The following NWD2 variants were observed in gnomAD, a reference collection of about 807,000 sequenced individuals.
NWD2 encodes the protein NACHT and WD repeat domain-containing protein 2.
A neutral mutation model predicts 132.7 loss-of-function variants in NWD2; 37 were observed. The observed-to-expected ratio is 0.28, with a 90% CI of 0.21 to 0.37. The LOEUF is 0.37. Among genes scored for constraint, NWD2 ranks in the 10% least tolerant of loss-of-function variants. The pLI is 1.00. For synonymous variants in NWD2, 705 were observed against 803.0 expected, an observed-to-expected ratio of 0.88 and a Z score of 2.06; for missense variants, 1,592 against 2,122.4, an observed-to-expected ratio of 0.75 and a Z score of 4.91.
intron 2 of NWD2, among the ~76,000 whole-genome samples, chr4:37,341,288 A>C (rs1719513785): frequency 6.6e-6 from 1 of 152,250 alleles, no homozygotes; most frequent in Non-Finnish European, 1.5e-5. Flanking sequence ...CTAAGCTATG[A>C]TGTTCAGTAG....
At chr4:37,282,411 G>T (rs1718146309) in intron 1 of NWD2, among the ~76,000 whole-genome samples, 1 of 152,120 alleles carries the variant, frequency 6.6e-6, no homozygotes, top group South Asian at 2.1e-4. Flanking sequence ...AAAGCATGTT[G>T]AGACTATTAG....
At position 37,250,774 on chromosome 4, in the gene NWD2, G is replaced by C. The variant is rs147748723; in HGVS notation, c.151+5556G>C. ...GACAGGGATATGTTCTGGGAAATGTGTCCTTAGTCAATTTTGTCATTGTAT... is the reference window on the plus strand; with the variant it reads ...GACAGGGATATGTTCTGGGAAATGTCTCCTTAGTCAATTTTGTCATTGTAT... On this transcript the variant is annotated intron_variant, in intron 1 of 6. Coordinates refer to ENST00000309447, the MANE Select transcript of NWD2 (RefSeq NM_001144990.2). 1.8e-4 allele frequency among the ~76,000 whole-genome samples: 28 copies of C among 152,278 alleles called. No homozygotes were observed. In the East Asian group the frequency reaches 5.2e-3, roughly 28 times the overall value.
intron 3 of NWD2, among the ~76,000 whole-genome samples, chr4:37,385,758 A>G (rs1036285766): frequency 5.3e-5 from 8 of 152,214 alleles, no homozygotes; most frequent in Non-Finnish European, 1.0e-4. Context: ...GATGTTATTA[A>G]TGATATAAAC....
chr4:37,379,421 A>T (rs184676132), intron 3 of NWD2, among the ~76,000 whole-genome samples: 1 of 152,290 alleles, frequency 6.6e-6, no homozygotes, highest in East Asian at 1.9e-4. Flanking sequence ...GCCACACAGT[A>T]AGTGGGGAGC....
At chr4:37,259,721 C>T (rs1459873473) in intron 1 of NWD2, among the ~76,000 whole-genome samples, 2 of 152,168 alleles carry the variant, frequency 1.3e-5, no homozygotes, top group Non-Finnish European at 2.9e-5. Flanking sequence ...AGATGCAGCC[C>T]TAGAGTTCCC....
chr4:37,311,685 A>G (rs1718845380), intron 1 of NWD2, among the ~76,000 whole-genome samples: 1 of 148,576 alleles, frequency 6.7e-6, no homozygotes. Flanking sequence ...TTGGTGTTTT[A>G]AACATGAAGT....
intron 3 of NWD2, among the ~76,000 whole-genome samples, chr4:37,358,846 A>G (rs1182880858): frequency 6.6e-6 from 1 of 152,186 alleles, no homozygotes; most frequent in African/African-American, 2.4e-5. Flanking sequence ...ATGCATCCCC[A>G]AAAAAGTTTT....
intron 3 of NWD2, among the ~76,000 whole-genome samples, chr4:37,372,693 C>T (rs1577682506): frequency 6.6e-6 from 1 of 152,168 alleles, no homozygotes; most frequent in African/African-American, 2.4e-5. Flanking sequence ...CCCCCAGTTC[C>T]AATCCATGTT....
intron 1 of NWD2, among the ~76,000 whole-genome samples, chr4:37,275,522 A>G (rs1717990746): frequency 6.6e-6 from 1 of 152,182 alleles, no homozygotes; most frequent in Non-Finnish European, 1.5e-5. Flanking sequence ...TATAGATTCA[A>G]TGCCATCCCC....
rs770599172 is a variant in NWD2 at position 37,433,835 on chromosome 4, G to A, written c.562-41G>A. 2.1e-6 allele frequency: 3 copies of A among 1,451,352 alleles called. No homozygotes were observed. The South Asian group carries it at 4.3e-5, about 21-fold the overall frequency. 89.9% of individuals were successfully genotyped at this position (1,451,352 alleles called of 1,614,324 possible). ...TTGTTCTTAAATATTATTTTTCTTTGATGATTGTAAGACTAATTTCTCCCT... is the reference window on the plus strand; with the variant it reads ...TTGTTCTTAAATATTATTTTTCTTTAATGATTGTAAGACTAATTTCTCCCT... On this transcript the variant is annotated intron_variant, in intron 4 of 6. Transcript: ENST00000309447.
chr4:37,394,801 T>TTTG (rs1310149522), intron 3 of NWD2, among the ~76,000 whole-genome samples: 2 of 79,582 alleles, frequency 2.5e-5, no homozygotes, highest in East Asian at 3.9e-4. Flanking sequence ...CCTTTATGGT[T>TTTG]TTTTTTTTTT....
At chr4:37,391,701 C>G (rs1720681636) in intron 3 of NWD2, among the ~76,000 whole-genome samples, 1 of 152,134 alleles carries the variant, frequency 6.6e-6, no homozygotes, top group South Asian at 2.1e-4. Context: ...AAAAGACCTT[C>G]CAGGTAAAGC....
intron 1 of NWD2, among the ~76,000 whole-genome samples, chr4:37,289,157 A>C (rs1319796528): frequency 6.6e-6 from 1 of 152,184 alleles, no homozygotes; most frequent in Non-Finnish European, 1.5e-5. Flanking sequence ...CTCTAATTCA[A>C]GCTAGTGCCT....
intron 2 of NWD2, among the ~76,000 whole-genome samples, chr4:37,344,919 G>A (rs899076501): frequency 2.4e-4 from 36 of 152,194 alleles, no homozygotes; most frequent in Admixed American, 1.6e-3. Flanking sequence ...TCTGCTTTTT[G>A]TCTCTATGGA....
rs139436470 is a variant in NWD2, at chr4:37,251,568, A to G, written c.151+6350A>G. Among the ~76,000 whole-genome samples the G allele has an allele frequency of 4.9e-3, 741 of 152,288 alleles. 8 individuals carry two copies. Among genetic ancestry groups the G allele is most frequent in the Middle Eastern group, 0.034 (10 of 294 alleles). On this transcript the variant is annotated intron_variant, in intron 1 of 6. Transcript: ENST00000309447. ...GCCAGTATCACAGCTGCCCCTGAGT[A>G]CTGGGTAGCTGCTCAGCCTCTGCAG...
At chr4:37,409,058 G>C (rs1296539602) in intron 3 of NWD2, among the ~76,000 whole-genome samples, 1 of 152,124 alleles carries the variant, frequency 6.6e-6, no homozygotes, top group Non-Finnish European at 1.5e-5. Flanking sequence ...GGAGAAACCA[G>C]GGCAGAAAGT....
chr4:37,273,244 C>T (rs1717911613), intron 1 of NWD2, among the ~76,000 whole-genome samples: 1 of 151,716 alleles, frequency 6.6e-6, no homozygotes, highest in African/African-American at 2.4e-5. Context: ...GCCCTCATTG[C>T]TTCTGATAAG....
At position 37,444,412 on chromosome 4, in the gene NWD2, G is replaced by A. The variant is rs1712574119; in HGVS notation, c.2424G>A (p.Arg808=). The change falls in exon 7 of 7, where the codon AGG becomes AGA. Residue 808 remains arginine, a synonymous_variant. Coordinates refer to ENST00000309447, the MANE Select transcript of NWD2 (RefSeq NM_001144990.2). The surrounding 1 kb of genome is among the most constrained non-coding windows in gnomAD (Gnocchi z 4.8). ...TCATGGAACAGGCTTCCTTTGACAG[G>A]CAGGCTCCAGACCAGCCCTGGGTTT... ...KHFMEQASFD[R]QAPDQPWVFQ... is the part of the protein sequence containing the mutation. 1 of 1,552,016 alleles carries A rather than the reference G, an allele frequency of 6.4e-7. No individual in the cohort carries two copies. The highest frequency in any genetic ancestry group is 8.7e-7 in the Non-Finnish European group (1 of 1,147,110).
At chr4:37,397,169 C>A (rs937851472) in intron 3 of NWD2, among the ~76,000 whole-genome samples, 4 of 152,042 alleles carry the variant, frequency 2.6e-5, no homozygotes, top group Admixed American at 6.6e-5. Flanking sequence ...TTTTAGTCAG[C>A]CCAGCAGGTG....
Sources: allele counts gnomAD v4.1 joint callset (sites outside exome capture counted in the v4.1 genomes callset), GRCh38; gene constraint gnomAD v4.1.1; non-coding constraint Gnocchi (gnomAD v3.1); transcripts MANE v1.5; gene names NCBI Gene and HGNC (gene_info 2026-07-23, HGNC 2026-07-21).